The following RIT2 variants were observed in gnomAD, a reference collection of about 807,000 sequenced individuals.
RIT2 encodes the protein GTP-binding protein Rit2.
Under a neutral mutation model 23.7 loss-of-function variants are expected in RIT2, and 24 were observed. That is an observed-to-expected ratio of 1.01 (90% CI 0.73 to 1.43). The LOEUF (loss-of-function observed/expected upper bound fraction) is 1.43, where lower values mean the gene tolerates loss of function less well. Among genes scored for constraint, RIT2 ranks in the 40% most tolerant of loss-of-function variants. The pLI is 0.00. For missense variants in RIT2, 236 were observed against 266.9 expected, an observed-to-expected ratio of 0.88 and a Z score of 0.81; for synonymous variants, 107 against 91.1, an observed-to-expected ratio of 1.17 and a Z score of -0.99.
chr18:43,033,233 C>T lies in RIT2; in HGVS notation c.160+578G>A, dbSNP rs373036708. On this transcript the variant is annotated intron_variant, in intron 2 of 4. Transcript: ENST00000326695. The stretch of plus-strand genomic sequence containing the variant: ...AGAAAACTTGTTCCCCAATGCAAAA[C>T]TTCTGCAGTATATTATGACAGAAAG... 1.3e-4 allele frequency among the ~76,000 whole-genome samples: 20 copies of T among 152,240 alleles called. No homozygotes were observed. In the East Asian group the frequency reaches 1.9e-3, roughly 15 times the overall value.
intron 4 of RIT2, among the ~76,000 whole-genome samples, chr18:42,828,521 G>T (rs1366570506): frequency 6.6e-6 from 1 of 152,172 alleles, no homozygotes; most frequent in Admixed American, 6.5e-5. Flanking sequence ...CATTTTTGTA[G>T]AAAATAATTA....
At chr18:42,759,589 A>C (rs1320729827) in intron 4 of RIT2, among the ~76,000 whole-genome samples, 3 of 151,810 alleles carry the variant, frequency 2.0e-5, no homozygotes, top group African/African-American at 7.3e-5. Flanking sequence ...TTCCTGGGGC[A>C]ATCAGGCTTG....
At chr18:42,910,048 C>A (rs1270169782) in intron 4 of RIT2, among the ~76,000 whole-genome samples, 2 of 152,074 alleles carry the variant, frequency 1.3e-5, no homozygotes, top group African/African-American at 4.8e-5. Flanking sequence ...AATGGTAACA[C>A]ATTGACACCA....
chr18:43,109,690 A>G (rs1427718806), intron 1 of RIT2, among the ~76,000 whole-genome samples: 1 of 152,192 alleles, frequency 6.6e-6, no homozygotes, highest in Admixed American at 6.5e-5. Context: ...GTTTTGTATT[A>G]CACATTACAG....
intron 1 of RIT2, among the ~76,000 whole-genome samples, chr18:43,048,616 C>T (rs537367462): frequency 6.6e-6 from 1 of 152,130 alleles, no homozygotes; most frequent in Non-Finnish European, 1.5e-5. Flanking sequence ...AGTGACCAGA[C>T]AATCGTAAGT....
At chr18:42,866,129 G>C (rs188740722) in intron 4 of RIT2, among the ~76,000 whole-genome samples, 7 of 152,132 alleles carry the variant, frequency 4.6e-5, no homozygotes, top group Non-Finnish European at 8.8e-5. Context: ...ACCTGAGTGG[G>C]TGTTTATTAT....
intron 4 of RIT2, among the ~76,000 whole-genome samples, chr18:42,847,426 A>C (rs1225968212): frequency 6.6e-6 from 1 of 151,978 alleles, no homozygotes; most frequent in Non-Finnish European, 1.5e-5. Flanking sequence ...TTGGATCAAC[A>C]CTCAGACTCC....
intron 1 of RIT2, among the ~76,000 whole-genome samples, chr18:43,104,664 A>T (rs1913766503): frequency 6.6e-6 from 1 of 152,276 alleles, no homozygotes; most frequent in Admixed American, 6.5e-5. Context: ...CAGTCCTAAG[A>T]TAATTATATT....
chr18:42,774,440 A>G (rs1026283067), intron 4 of RIT2, among the ~76,000 whole-genome samples: 18 of 152,112 alleles, frequency 1.2e-4, no homozygotes, highest in African/African-American at 4.3e-4. Context: ...CTGCCCCACA[A>G]CTTGACTGTA....
intron 4 of RIT2, among the ~76,000 whole-genome samples, chr18:42,902,782 A>C (rs1908511187): frequency 6.6e-6 from 1 of 151,742 alleles, no homozygotes; most frequent in Admixed American, 6.6e-5. Context: ...ATTGTTAACT[A>C]ATGACAGAAA....
chr18:43,079,750 G>A (rs1405823749), intron 1 of RIT2, among the ~76,000 whole-genome samples: 1 of 152,208 alleles, frequency 6.6e-6, no homozygotes, highest in Non-Finnish European at 1.5e-5. Flanking sequence ...AGTAAATTTA[G>A]AGGCTATAAT....
At chr18:43,094,327 G>A (rs1476900340) in intron 1 of RIT2, among the ~76,000 whole-genome samples, 2 of 151,908 alleles carry the variant, frequency 1.3e-5, no homozygotes, top group Admixed American at 1.3e-4. Context: ...CGTGCTTATA[G>A]ATTAGCTTCA....
At chr18:43,043,419 T>G (rs1238146899) in intron 1 of RIT2, among the ~76,000 whole-genome samples, 1 of 152,196 alleles carries the variant, frequency 6.6e-6, no homozygotes, top group Non-Finnish European at 1.5e-5. Context: ...ACATGTACAC[T>G]AAATGTTAAT....
chr18:42,923,703 A>G lies in RIT2; in HGVS notation c.295T>C (p.Tyr99His). The G allele has an allele frequency of 6.2e-7, 1 of 1,613,294 alleles. No individual in the cohort carries two copies. The highest frequency in any genetic ancestry group is 8.5e-7 in the Non-Finnish European group (1 of 1,179,616). ...AATGATTGACGGTCAGTGACGGAGT[A>G]GCAGATGATGAAGCCTTCCCCACCT... ...MRGGEGFIIC[Y>H]SVTDRQSFQE... is the part of the protein sequence containing the mutation. The change falls in exon 4 of 5, where the codon TAC becomes CAC. Residue 99 changes from tyrosine to histidine, a missense_variant. Tyr to His is a moderately conservative substitution (Grantham distance 83). Transcript: ENST00000326695.
intron 4 of RIT2, among the ~76,000 whole-genome samples, chr18:42,755,261 CTCTG>C (rs1262953250): frequency 3.9e-5 from 6 of 152,124 alleles, no homozygotes; most frequent in Non-Finnish European, 8.8e-5. Context: ...ATGATGTTAT[CTCTG>C]TCTGTTTCCC....
chr18:43,000,612 C>A (rs72899249), intron 2 of RIT2, among the ~76,000 whole-genome samples: 1 of 151,880 alleles, frequency 6.6e-6, no homozygotes, highest in Non-Finnish European at 1.5e-5. Flanking sequence ...GAGAAAGGGA[C>A]GTGGTGGGAG....
At chr18:42,783,431 T>C (rs975767652) in intron 4 of RIT2, among the ~76,000 whole-genome samples, 2 of 152,168 alleles carry the variant, frequency 1.3e-5, no homozygotes, top group Non-Finnish European at 2.9e-5. Context: ...ACATTTAGCC[T>C]GTGCAATGTT....
chr18:42,948,888 A>G (rs1465559779), intron 3 of RIT2: 6 of 395,036 alleles, frequency 1.5e-5, no homozygotes, highest in Non-Finnish European at 2.7e-5. Context: ...AAAGTATAGG[A>G]AAGGAAATGA....
At chr18:43,060,924 C>T (rs4267412) in intron 1 of RIT2, among the ~76,000 whole-genome samples, 12,174 of 152,028 alleles carry the variant, frequency 0.08, 631 homozygotes, top group East Asian at 0.19. Context: ...GCAGATACCC[C>T]GTATTTTTTT....
Sources: gnomAD v4.1 joint callset for allele counts (sites outside exome capture counted in the v4.1 genomes callset) on GRCh38, gnomAD v4.1.1 for gene constraint, MANE v1.5 for transcripts, NCBI Gene and HGNC (gene_info 2026-07-23, HGNC 2026-07-21) for gene names.